ZFHX3: variants seen among roughly 807,000 people sequenced by gnomAD.
ZFHX3 encodes the protein zinc finger homeobox protein 3.
Under a neutral mutation model 279.1 loss-of-function variants are expected in ZFHX3, and 42 were observed. The observed-to-expected ratio is 0.15, with a 90% CI of 0.12 to 0.19. The LOEUF is 0.19. Ranked by LOEUF, ZFHX3 falls within the 10% of genes least tolerant of loss-of-function variation. The pLI, the probability that ZFHX3 is intolerant of heterozygous loss-of-function variation, is 1.00. For missense variants in ZFHX3, 4,981 were observed against 4,754.0 expected, an observed-to-expected ratio of 1.05 and a Z score of -1.40; for synonymous variants, 2,293 against 1,957.8, an observed-to-expected ratio of 1.17 and a Z score of -4.52.
intron 2 of ZFHX3, among the ~76,000 whole-genome samples, chr16:73,626,829 C>T (rs1196126518): frequency 3.9e-5 from 6 of 152,164 alleles, no homozygotes; most frequent in African/African-American, 1.4e-4. Flanking sequence ...TATTGCTTTG[C>T]TTTGCTTTCT....
chr16:73,818,210 T>A (rs147817955), intron 1 of ZFHX3, among the ~76,000 whole-genome samples: 1 of 152,202 alleles, frequency 6.6e-6, no homozygotes, highest in Admixed American at 6.5e-5. Context: ...TGCAACTGTT[T>A]ATAGTATGAC....
chr16:73,692,221 A>G (rs568806282), intron 1 of ZFHX3, among the ~76,000 whole-genome samples: 1 of 152,264 alleles, frequency 6.6e-6, no homozygotes, highest in East Asian at 1.9e-4. Flanking sequence ...TGAGGTGGAA[A>G]TGATAGTGCG....
At chr16:73,052,008 CTTTG>C (rs1202317245), upstream of ZFHX3, among the ~76,000 whole-genome samples, 2 of 152,078 alleles carry the variant, frequency 1.3e-5, no homozygotes, top group Non-Finnish European at 2.9e-5. Flanking sequence ...GAGAGAGGCG[CTTTG>C]TTTGGGGCCA....
chr16:73,357,783 T>C (rs2016368912), intron 3 of ZFHX3, among the ~76,000 whole-genome samples: 1 of 152,168 alleles, frequency 6.6e-6, no homozygotes, highest in Non-Finnish European at 1.5e-5. Flanking sequence ...GGTCACTCTG[T>C]CAGACTCCTC....
chr16:72,960,329 C>A (rs747525135), intron 1 of ZFHX3, 135 bp from the exon 2 acceptor site: 3 of 630,160 alleles, frequency 4.8e-6, no homozygotes, highest in East Asian at 3.1e-5. Flanking sequence ...CACAGAGACA[C>A]AGGGCGGAGG....
intron 4 of ZFHX3, among the ~76,000 whole-genome samples, chr16:73,267,189 G>C (rs1337525059): frequency 6.6e-6 from 1 of 152,156 alleles, no homozygotes; most frequent in Non-Finnish European, 1.5e-5. Flanking sequence ...GAAGGAGAAG[G>C]GGGTTCTGAT....
At chr16:73,524,524 G>C (rs1420261329) in intron 2 of ZFHX3, among the ~76,000 whole-genome samples, 1 of 152,202 alleles carries the variant, frequency 6.6e-6, no homozygotes. Context: ...TGTGAAAACA[G>C]CTTGATTCTC....
chr16:73,016,193 C>T (rs576051342), intron 1 of ZFHX3, among the ~76,000 whole-genome samples: 69 of 152,296 alleles, frequency 4.5e-4, no homozygotes, highest in African/African-American at 1.4e-3. Flanking sequence ...CTTAATTCTC[C>T]CACTCCTGCA....
chr16:73,027,219 T>G (rs989307567), intron 1 of ZFHX3, among the ~76,000 whole-genome samples: 1 of 152,248 alleles, frequency 6.6e-6, no homozygotes, highest in Non-Finnish European at 1.5e-5. Flanking sequence ...GGGTCGGAAC[T>G]GGCCCGCAGA....
chr16:73,732,800 A>C (rs1229008845), intron 1 of ZFHX3, among the ~76,000 whole-genome samples: 2 of 152,182 alleles, frequency 1.3e-5, no homozygotes, highest in Admixed American at 1.3e-4. Context: ...CGGAAAAGCT[A>C]GCTCCAGTGG....
chr16:72,897,693 A>G (rs746838861), intron 3 of ZFHX3, among the ~76,000 whole-genome samples: 19 of 152,134 alleles, frequency 1.2e-4, no homozygotes, highest in Non-Finnish European at 2.1e-4. Flanking sequence ...CTCCCACTTC[A>G]GCCTCCCAAA....
At chr16:73,462,215 A>T (rs540167101) in intron 2 of ZFHX3, among the ~76,000 whole-genome samples, 3 of 152,086 alleles carry the variant, frequency 2.0e-5, no homozygotes, top group Non-Finnish European at 2.9e-5. Context: ...ATGCCCTGTG[A>T]CTTTGTTGAA....
At chr16:72,872,710 C>T (rs1247083635) in intron 4 of ZFHX3, among the ~76,000 whole-genome samples, 2 of 152,180 alleles carry the variant, frequency 1.3e-5, no homozygotes, top group Non-Finnish European at 2.9e-5. Flanking sequence ...CCACCCGCCT[C>T]GGCCTCACAA....
At chr16:72,871,411 G>C (rs2038158025) in intron 4 of ZFHX3, among the ~76,000 whole-genome samples, 1 of 148,138 alleles carries the variant, frequency 6.8e-6, no homozygotes, top group Non-Finnish European at 1.5e-5. Flanking sequence ...GTGCAATCTT[G>C]GCTCACTGCA....
rs147269876 is a variant in ZFHX3, at chr16:73,127,448, G to C, written c.-897+3520C>G. On this transcript the variant is annotated intron_variant, in intron 7 of 17. Coordinates refer to the ZFHX3 transcript ENST00000641206. ...TGGAGCATCTCTGTTCCGGAACTGA[G>C]ACATCAAGCGAGAGCCGGGCATCGA... The C allele has an allele frequency of 6.0e-3, 7,894 of 1,305,434 alleles. 27 individuals are homozygous for C. The highest frequency in any genetic ancestry group is 7.5e-3 in the Non-Finnish European group (7,392 of 988,966). 80.9% of individuals were successfully genotyped at this position (1,305,434 alleles called of 1,614,324 possible). A position where few individuals can be genotyped will look rare whatever the true frequency, so the allele number is the denominator to read the frequency against.
rs1245091535 is a variant in ZFHX3, at chr16:73,603,086, C to A, written c.-1547+77094G>T. ...GGATCACGAGGTCAGGAGATAGAGA[C>A]CATCCTGGCTAACACGGTAAAACCT... is the stretch of plus-strand genomic sequence containing the variant. On this transcript the variant is annotated intron_variant, in intron 2 of 17. Coordinates refer to the ZFHX3 transcript ENST00000641206. Among the ~76,000 whole-genome samples, 4 of 151,918 alleles carry A rather than the reference C, an allele frequency of 2.6e-5. No homozygotes were observed. The East Asian group carries it at 7.7e-4, about 29-fold the overall frequency.
chr16:73,309,708 C>T (rs1008946156), intron 4 of ZFHX3, among the ~76,000 whole-genome samples: 5 of 152,224 alleles, frequency 3.3e-5, no homozygotes, highest in Admixed American at 3.3e-4. Flanking sequence ...CTCTCAGGAA[C>T]TTAGAGAAGA....
chr16:73,553,383 A>G (rs981147447), intron 2 of ZFHX3, among the ~76,000 whole-genome samples: 2 of 152,196 alleles, frequency 1.3e-5, no homozygotes, highest in Admixed American at 6.5e-5. Flanking sequence ...AGATAAAAAT[A>G]TACAGATTCC....
intron 2 of ZFHX3, among the ~76,000 whole-genome samples, chr16:73,632,244 T>C (rs1185492917): frequency 6.6e-6 from 1 of 152,166 alleles, no homozygotes; most frequent in Non-Finnish European, 1.5e-5. Context: ...AATAAATGGT[T>C]CTTACCCTTG....
Sources: allele counts gnomAD v4.1 joint callset (sites outside exome capture counted in the v4.1 genomes callset), GRCh38; gene constraint gnomAD v4.1.1; transcripts MANE v1.5; gene names NCBI Gene and HGNC (gene_info 2026-07-23, HGNC 2026-07-21).